KCNH1: variants seen among roughly 807,000 people sequenced by gnomAD.
KCNH1 encodes voltage-gated delayed rectifier potassium channel KCNH1.
A neutral mutation model predicts 69.2 loss-of-function variants in KCNH1; 27 were observed. The observed-to-expected ratio is 0.39, with a 90% confidence interval of 0.29 to 0.54. The LOEUF is 0.54. Among genes scored for constraint, KCNH1 ranks in the 20% least tolerant of loss-of-function variants. The pLI is 0.68. For synonymous variants in KCNH1, 456 were observed against 487.7 expected, an observed-to-expected ratio of 0.93 and a Z score of 0.86; for missense variants, 798 against 1,261.6, an observed-to-expected ratio of 0.63 and a Z score of 5.57.
intron 9 of KCNH1, among the ~76,000 whole-genome samples, chr1:210,795,851 G>T (rs895549091): frequency 5.3e-5 from 8 of 152,026 alleles, no homozygotes; most frequent in African/African-American, 1.9e-4. Flanking sequence ...GGCTGGGTGT[G>T]GTGGCTCATG....
At chr1:210,856,558 GTC>G (rs1363986796) in intron 7 of KCNH1, among the ~76,000 whole-genome samples, 37 of 151,610 alleles carry the variant, frequency 2.4e-4, no homozygotes, top group Non-Finnish European at 1.5e-5. Flanking sequence ...CTCCAGCTCT[GTC>G]TCTGCCATGT....
intron 5 of KCNH1, among the ~76,000 whole-genome samples, chr1:211,064,336 G>A (rs901274961): frequency 6.6e-6 from 1 of 152,210 alleles, no homozygotes; most frequent in African/African-American, 2.4e-5. Flanking sequence ...CAAGGCGGGT[G>A]GATCACGAGG....
At chr1:210,999,903 A>G (rs1014529614) in intron 6 of KCNH1, among the ~76,000 whole-genome samples, 1 of 152,230 alleles carries the variant, frequency 6.6e-6, no homozygotes, top group African/African-American at 2.4e-5. Context: ...AACAGAACCA[A>G]AGACAAAAAC....
chr1:210,705,068 T>C (rs1056490557), intron 10 of KCNH1, among the ~76,000 whole-genome samples: 2 of 152,136 alleles, frequency 1.3e-5, no homozygotes, highest in South Asian at 4.1e-4. Flanking sequence ...GGGCGGCCCC[T>C]GCGCAGGAGA....
rs144270983 is a variant in KCNH1 at position 210,868,449 on chromosome 1, T to C, written c.1462+51191A>G. On this transcript the variant is annotated intron_variant, in intron 7 of 10. Transcript: ENST00000271751. ...ATAATTTTTTCTTTTATGTTTCAAATGTTTTGTGTCGTAAGAAATCTTCGC... is the reference window on the plus strand; with the variant it reads ...ATAATTTTTTCTTTTATGTTTCAAACGTTTTGTGTCGTAAGAAATCTTCGC... Among the ~76,000 whole-genome samples the C allele has an allele frequency of 2.1e-3, 315 of 152,020 alleles. 1 individual carries two copies. The highest frequency in any genetic ancestry group is 3.7e-3 in the Non-Finnish European group (250 of 67,870).
At chr1:211,014,821 A>T (rs1282727771) in intron 6 of KCNH1, among the ~76,000 whole-genome samples, 1 of 152,192 alleles carries the variant, frequency 6.6e-6, no homozygotes, top group Non-Finnish European at 1.5e-5. Context: ...CAGAGAAAGA[A>T]CCTAGAGCAC....
intron 3 of KCNH1, among the ~76,000 whole-genome samples, chr1:211,103,075 A>G (rs111991298): frequency 0.012 from 1,877 of 152,334 alleles, 44 homozygotes; most frequent in African/African-American, 0.043. Context: ...ACTTTTATTT[A>G]GAAACGCTTA....
At chr1:210,687,781 A>C (rs74630845) in intron 10 of KCNH1, among the ~76,000 whole-genome samples, 6 of 152,312 alleles carry the variant, frequency 3.9e-5, no homozygotes, top group African/African-American at 1.4e-4. Flanking sequence ...CTAAGTGGGC[A>C]GGAGTGGTTG....
intron 8 of KCNH1, among the ~76,000 whole-genome samples, chr1:210,802,810 A>G (rs1270869829): frequency 6.6e-6 from 1 of 152,198 alleles, no homozygotes; most frequent in African/African-American, 2.4e-5. Context: ...TGTTTCCTGG[A>G]CTTGTCTGAT....
intron 6 of KCNH1, among the ~76,000 whole-genome samples, chr1:211,002,328 G>A (rs752954184): frequency 1.4e-3 from 77 of 53,618 alleles, no homozygotes; most frequent in African/African-American, 5.0e-3. Flanking sequence ...ATATATATAT[G>A]TGTGTGTGTG....
chr1:211,091,912 G>A (rs964444609), intron 3 of KCNH1, among the ~76,000 whole-genome samples: 2 of 152,168 alleles, frequency 1.3e-5, no homozygotes, highest in African/African-American at 4.8e-5. Flanking sequence ...TTTATTCTAT[G>A]ATACAAAATT....
chr1:210,723,612 A>G (rs992669583), intron 10 of KCNH1, among the ~76,000 whole-genome samples: 3 of 152,242 alleles, frequency 2.0e-5, no homozygotes, highest in Non-Finnish European at 4.4e-5. Context: ...ATGATCATGC[A>G]AAGTGCTGAA....
At chr1:211,039,845 GTC>G (rs1458348124) in intron 5 of KCNH1, among the ~76,000 whole-genome samples, 1 of 152,240 alleles carries the variant, frequency 6.6e-6, no homozygotes, top group South Asian at 2.1e-4. Context: ...GACTTGCCTT[GTC>G]TCAGATGAGA....
At chr1:211,126,199 T>C (rs1379020283) in intron 1 of KCNH1, among the ~76,000 whole-genome samples, 1 of 64,480 alleles carries the variant, frequency 1.6e-5, no homozygotes, top group East Asian at 2.8e-4. Context: ...ACCCCATCAC[T>C]ACAAAAAAAT....
intron 7 of KCNH1, among the ~76,000 whole-genome samples, chr1:210,817,144 T>TCCAAAATAATAATTAC (rs1684833674): frequency 1.3e-5 from 2 of 152,086 alleles, no homozygotes; most frequent in African/African-American, 4.8e-5. Flanking sequence ...CCACATTGCC[T>TCCAAAATAATAATTAC]CCAAAATAAT....
chr1:210,932,711 C>CT (rs1239390410), intron 6 of KCNH1, among the ~76,000 whole-genome samples: 3 of 152,050 alleles, frequency 2.0e-5, no homozygotes. Flanking sequence ...GAGTAGCACA[C>CT]TTATGTCAGA....
intron 7 of KCNH1, chr1:210,859,055 T>C: frequency 3.1e-6 from 2 of 649,726 alleles, no homozygotes; most frequent in Admixed American, 2.6e-5. Flanking sequence ...TGTGATTTTT[T>C]TTCTGTCCAT....
At chr1:211,077,119 C>A (rs1050582097) in intron 5 of KCNH1, among the ~76,000 whole-genome samples, 1 of 151,798 alleles carries the variant, frequency 6.6e-6, no homozygotes, top group African/African-American at 2.4e-5. Flanking sequence ...GTGAAAAGAC[C>A]AAATCTACAT....
chr1:210,694,212 G>A (rs563056036), intron 10 of KCNH1, among the ~76,000 whole-genome samples: 1 of 152,066 alleles, frequency 6.6e-6, no homozygotes, highest in Non-Finnish European at 1.5e-5. Context: ...GGGAAATAGG[G>A]TAAGACTGCC....
Sources: gnomAD v4.1 joint callset for allele counts (sites outside exome capture counted in the v4.1 genomes callset) on GRCh38, gnomAD v4.1.1 for gene constraint, MANE v1.5 for transcripts, NCBI Gene and HGNC (gene_info 2026-07-23, HGNC 2026-07-21) for gene names.